SIPA1L2: variants seen among roughly 807,000 people sequenced by gnomAD.
The protein encoded by SIPA1L2 is signal induced proliferation associated 1 like 2, also known as signal-induced proliferation-associated 1-like protein 2.
Under a neutral mutation model 163.9 loss-of-function variants are expected in SIPA1L2, and 56 were observed. The observed-to-expected ratio is 0.34, with a 90% CI of 0.28 to 0.43. The LOEUF is 0.43. Ranked by LOEUF, SIPA1L2 falls within the 20% of genes least tolerant of loss-of-function variation. The pLI is 1.00. For missense variants in SIPA1L2, 1,974 were observed against 2,193.5 expected, an observed-to-expected ratio of 0.90 and a Z score of 2.00; for synonymous variants, 877 against 865.7, an observed-to-expected ratio of 1.01 and a Z score of -0.23.
intron 3 of SIPA1L2, among the ~76,000 whole-genome samples, chr1:232,506,000 G>C (rs1416634752): frequency 6.6e-6 from 1 of 152,148 alleles, no homozygotes; most frequent in African/African-American, 2.4e-5. Flanking sequence ...GCATCACTCA[G>C]CAGTGAAGTT....
At chr1:232,552,439 G>A (rs1294038582) in intron 2 of SIPA1L2, among the ~76,000 whole-genome samples, 1 of 151,712 alleles carries the variant, frequency 6.6e-6, no homozygotes. Flanking sequence ...GGGTTGGCTG[G>A]AGCACAGTGG....
rs1664490860 is a variant in SIPA1L2 at position 232,465,973 on chromosome 1, A to G, written c.2244-557T>C. On this transcript the variant is annotated intron_variant, in intron 8 of 22. Coordinates refer to ENST00000674635, the MANE Select transcript of SIPA1L2 (RefSeq NM_020808.5). The surrounding 1 kb of genome is among the most constrained non-coding windows in gnomAD (Gnocchi z 4.1). ...GAAACCAATCCTTGCTGACACCTTG[A>G]TCTTAGACTTCCAGCCTCTAGAACT... Among the ~76,000 whole-genome samples the G allele has an allele frequency of 6.6e-6, 1 of 151,928 alleles. No individual in the cohort carries two copies. The highest frequency in any genetic ancestry group is 2.1e-4 in the South Asian group (1 of 4,816).
chr1:232,576,785 G>A (rs1411756870), intron 1 of SIPA1L2, among the ~76,000 whole-genome samples: 2 of 152,306 alleles, frequency 1.3e-5, no homozygotes, highest in South Asian at 2.1e-4. Context: ...AAACAATCTC[G>A]TTGCTGATAC....
chr1:232,557,377 G>A (rs1046042846), intron 2 of SIPA1L2, among the ~76,000 whole-genome samples: 1 of 152,122 alleles, frequency 6.6e-6, no homozygotes, highest in Non-Finnish European at 1.5e-5. Context: ...ACATACAGCA[G>A]GGGTAGGTGT....
At chr1:232,407,340 T>C (rs541004965) in intron 19 of SIPA1L2, among the ~76,000 whole-genome samples, 3 of 152,216 alleles carry the variant, frequency 2.0e-5, no homozygotes, top group Admixed American at 6.5e-5. Context: ...TTTATACTTA[T>C]ATACACACAC....
chr1:232,465,694 C>G lies in SIPA1L2; in HGVS notation c.2244-278G>C, dbSNP rs1217379493. 1.3e-5 allele frequency among the ~76,000 whole-genome samples: 2 copies of G among 151,850 alleles called. No homozygotes were observed. The highest frequency in any genetic ancestry group is 2.9e-5 in the Non-Finnish European group (2 of 67,982). On this transcript the variant is annotated intron_variant, in intron 8 of 22. Transcript: ENST00000674635. This position sits in a 1 kb window ranked among gnomAD's most constrained non-coding sequence, Gnocchi z 4.1. ...AGGTGTAATGGGCTGAATTATGTCC[C>G]TCTCAAAATCCACACGTTGACAAGA...
chr1:232,462,285 T>A, intron 9 of SIPA1L2: 1 of 1,550,396 alleles, frequency 6.4e-7, no homozygotes, highest in East Asian at 2.4e-5. Context: ...AATTTCAAGT[T>A]GGGAGGTATC....
rs564668689 is a variant in SIPA1L2 at position 232,585,241 on chromosome 1, G to A, written c.-318-11019C>T. Among the ~76,000 whole-genome samples, 3 of 152,280 alleles carry A rather than the reference G, an allele frequency of 2.0e-5. No individual in the cohort carries two copies. The South Asian group carries it at 6.2e-4, about 32-fold the overall frequency. On this transcript the variant is annotated intron_variant, in intron 1 of 22. Transcript: ENST00000674635. ...AACACAACTTCTATCAATTTTCTCAGCAGCAATGTATTAGAACCAAAGATG... is the reference window on the plus strand; with the variant it reads ...AACACAACTTCTATCAATTTTCTCAACAGCAATGTATTAGAACCAAAGATG...
At chr1:232,524,992 A>C (rs969596517) in intron 2 of SIPA1L2, among the ~76,000 whole-genome samples, 1 of 152,132 alleles carries the variant, frequency 6.6e-6, no homozygotes, top group Non-Finnish European at 1.5e-5. Flanking sequence ...CCTTCATAAA[A>C]CCAATGGATG....
At chr1:232,450,538 A>T (rs748379431) in intron 10 of SIPA1L2, among the ~76,000 whole-genome samples, 1 of 152,246 alleles carries the variant, frequency 6.6e-6, no homozygotes, top group African/African-American at 2.4e-5. Context: ...CACAGGTTCC[A>T]GCTGCCTGAG....
chr1:232,441,221 T>TG, intron 14 of SIPA1L2, 70 bp downstream of exon 14: 2 of 1,181,752 alleles, frequency 1.7e-6, no homozygotes, highest in Non-Finnish European at 2.4e-6. Flanking sequence ...GGAATCAGGC[T>TG]GTACCACTGT....
chr1:232,522,299 C>G (rs1287263449), intron 2 of SIPA1L2, among the ~76,000 whole-genome samples: 2 of 152,108 alleles, frequency 1.3e-5, no homozygotes, highest in African/African-American at 4.8e-5. Context: ...GCTGGATTTC[C>G]ACCCTCCATG....
chr1:232,554,983 A>G (rs1658612075), intron 2 of SIPA1L2, among the ~76,000 whole-genome samples: 1 of 142,732 alleles, frequency 7.0e-6, no homozygotes, highest in African/African-American at 2.5e-5. Context: ...TGTCCATGGA[A>G]TAAAAGCAAA....
intron 15 of SIPA1L2, among the ~76,000 whole-genome samples, chr1:232,436,603 C>A (rs887743198): frequency 6.6e-6 from 1 of 152,174 alleles, no homozygotes; most frequent in African/African-American, 2.4e-5. Context: ...AGCAGGGGGG[C>A]TAAGGGAGCC....
At chr1:232,411,414 A>C (rs1660949935) in intron 19 of SIPA1L2, among the ~76,000 whole-genome samples, 1 of 152,188 alleles carries the variant, frequency 6.6e-6, no homozygotes, top group Admixed American at 6.5e-5. Flanking sequence ...AGTTCTGCAC[A>C]GGTCATTTTG....
intron 2 of SIPA1L2, among the ~76,000 whole-genome samples, chr1:232,566,031 C>T (rs12749877): frequency 0.23 from 35,549 of 152,134 alleles, 4,366 homozygotes; most frequent in South Asian, 0.37. Context: ...AGTTCTCAAC[C>T]CTTCTTAGCT....
chr1:232,531,696 C>T (rs977690275), intron 2 of SIPA1L2, among the ~76,000 whole-genome samples: 3 of 152,128 alleles, frequency 2.0e-5, no homozygotes, highest in African/African-American at 4.8e-5. Flanking sequence ...TAGAATGCAA[C>T]TGAATTTGGG....
At chr1:232,567,421 A>C (rs1659469051) in intron 2 of SIPA1L2, among the ~76,000 whole-genome samples, 1 of 152,234 alleles carries the variant, frequency 6.6e-6, no homozygotes, top group Non-Finnish European at 1.5e-5. Context: ...CCTTACTCAT[A>C]ATATAATCAA....
chr1:232,419,514 C>T (rs1661443978), intron 18 of SIPA1L2, among the ~76,000 whole-genome samples: 1 of 152,154 alleles, frequency 6.6e-6, no homozygotes, highest in African/African-American at 2.4e-5. Context: ...TGGCTTGATG[C>T]TATTCTCATG....
Sources: gnomAD v4.1 joint callset for allele counts (sites outside exome capture counted in the v4.1 genomes callset) on GRCh38, gnomAD v4.1.1 for gene constraint, Gnocchi (gnomAD v3.1) non-coding constraint, MANE v1.5 for transcripts, NCBI Gene and HGNC (gene_info 2026-07-23, HGNC 2026-07-21) for gene names.